SKOR2: variants seen among roughly 807,000 people sequenced by gnomAD.
The protein encoded by SKOR2 is SKI family transcriptional corepressor 2.
SKOR2 carries 47 observed loss-of-function variants against 69.1 expected under a neutral mutation model. The observed-to-expected ratio is 0.68, with a 90% confidence interval of 0.54 to 0.87. The LOEUF (loss-of-function observed/expected upper bound fraction) is 0.87, where lower values mean the gene tolerates loss of function less well. SKOR2 is among the 40% of genes least tolerant of loss of function. SKOR2 has a pLI of 0.00. For missense variants in SKOR2, 1,404 were observed against 1,472.2 expected (o/e 0.95, Z 0.76); for synonymous variants, 717 against 672.6 (o/e 1.07, Z -1.02).
At chr18:47,230,274 G>A (rs2064192717) in intron 6 of SKOR2, among the ~76,000 whole-genome samples, 185 bp downstream of exon 6, 1 of 151,998 alleles carries the variant, frequency 6.6e-6, no homozygotes, top group Non-Finnish European at 1.5e-5. Flanking sequence ...GTTCTTGGAA[G>A]AAATTTTATC....
Position 47,214,994 on chromosome 18 carries a change from TAA to T in SKOR2, c.2986-2845_2986-2844del, listed in dbSNP as rs5824652. ...ATAGTAGATCAAAAGTACTGGAGTT[TAA>T]AAAAAAAAAGTGACTTCCTAGTTTG... is the stretch of plus-strand genomic sequence containing the variant. On this transcript the variant is annotated intron_variant, in intron 7 of 8. Coordinates refer to ENST00000425639, the MANE Select transcript of SKOR2 (RefSeq NM_001278063.4). 2.7e-3 allele frequency among the ~76,000 whole-genome samples: 398 copies of T among 149,182 alleles called. 3 individuals carry two copies. The highest frequency in any genetic ancestry group is 8.0e-3 in the African/African-American group (327 of 40,704).
Position 47,247,744 on chromosome 18 carries a change from C to T in SKOR2, c.1440G>A (p.Pro480=). The part of the protein sequence containing the change: ...FWPPRTPGGL[P]VPTYLQPPPQ... ...GCGGGGGCTGCAGGTAGGTGGGCAC[C>T]GGGAGCCCGCCAGGGGTCCGCGGCG... The change falls in exon 2 of 9, where the codon CCG becomes CCA. Residue 480 remains proline, a synonymous_variant. Coordinates refer to ENST00000425639, the MANE Select transcript of SKOR2 (RefSeq NM_001278063.4). This position sits in a 1 kb window ranked among gnomAD's most constrained non-coding sequence, Gnocchi z 6.6. The T allele has an allele frequency of 8.0e-6, 11 of 1,369,192 alleles. No homozygotes were observed. The highest frequency in any genetic ancestry group is 1.0e-5 in the Non-Finnish European group (11 of 1,072,342). 84.8% of individuals were successfully genotyped at this position (1,369,192 alleles called of 1,614,324 possible).
chr18:47,242,718 T>C (rs533546707), intron 4 of SKOR2, among the ~76,000 whole-genome samples: 32 of 152,280 alleles, frequency 2.1e-4, no homozygotes, highest in African/African-American at 6.5e-4. Context: ...AATGTGTTAT[T>C]TTGTATTAAA....
At chr18:47,230,636 A>G in intron 5 of SKOR2, 79 bp from the exon 6 acceptor site, 16 of 914,230 alleles carry the variant, frequency 1.8e-5, no homozygotes, top group Non-Finnish European at 2.4e-5. Context: ...GCAATTTATT[A>G]TTATAAGACA....
At chr18:47,224,995 G>T (rs955596991) in intron 6 of SKOR2, among the ~76,000 whole-genome samples, 1 of 151,982 alleles carries the variant, frequency 6.6e-6, no homozygotes, top group African/African-American at 2.4e-5. Flanking sequence ...TTTGGAATCT[G>T]CCCTGCCACC....
At chr18:47,227,672 A>G (rs2064183513) in intron 6 of SKOR2, among the ~76,000 whole-genome samples, 1 of 152,238 alleles carries the variant, frequency 6.6e-6, no homozygotes, top group South Asian at 2.1e-4. Flanking sequence ...ATGCTTTTCT[A>G]GAGCTCAGTG....
chr18:47,223,081 T>G (rs984105056), intron 6 of SKOR2, among the ~76,000 whole-genome samples: 5 of 151,928 alleles, frequency 3.3e-5, no homozygotes, highest in Admixed American at 6.6e-5. Flanking sequence ...CAGATTAAAC[T>G]CCCCAAACAT....
intron 6 of SKOR2, among the ~76,000 whole-genome samples, chr18:47,224,983 A>G (rs2064173889): frequency 6.6e-6 from 1 of 152,084 alleles, no homozygotes; most frequent in African/African-American, 2.4e-5. Context: ...TCTGTACAGT[A>G]TTTTGGAATC....
At position 47,206,827 on chromosome 18, in the gene SKOR2, C is replaced by T. The variant is rs189768425; in HGVS notation, c.*69G>A. ...CCCTTTCGATCTGCAGTCTTTAACA[C>T]GGGTCAGAAGTGCTCCATGGCAGGC... On this transcript the variant is annotated 3_prime_UTR_variant, in exon 9 of 9. Transcript: ENST00000425639. The T allele has an allele frequency of 5.3e-5, 8 of 152,220 alleles. No homozygotes were observed. The highest frequency in any genetic ancestry group is 1.7e-4 in the African/African-American group (7 of 41,526). The allele number at this position is 152,220 out of a possible 1,614,324, so 9.4% of individuals were successfully genotyped here. A position where few individuals can be genotyped will look rare whatever the true frequency, so the allele number is the denominator to read the frequency against.
At chr18:47,224,613 C>T (rs968414259) in intron 6 of SKOR2, among the ~76,000 whole-genome samples, 29 of 121,360 alleles carry the variant, frequency 2.4e-4, no homozygotes, top group Non-Finnish European at 4.4e-4. Flanking sequence ...TTTAAAGAAC[C>T]ATTGAACTTT....
At chr18:47,217,984 G>A (rs2064149424) in intron 7 of SKOR2, among the ~76,000 whole-genome samples, 1 of 152,114 alleles carries the variant, frequency 6.6e-6, no homozygotes, top group Non-Finnish European at 1.5e-5. Flanking sequence ...TTATAAGACA[G>A]CATAATAAAA....
chr18:47,227,244 T>C (rs2064181630), intron 6 of SKOR2, among the ~76,000 whole-genome samples: 1 of 151,710 alleles, frequency 6.6e-6, no homozygotes, highest in Non-Finnish European at 1.5e-5. Flanking sequence ...CCCTCCTCTC[T>C]GTTATCTTTA....
intron 8 of SKOR2, among the ~76,000 whole-genome samples, chr18:47,211,130 G>A (rs1450624477): frequency 6.6e-6 from 1 of 152,140 alleles, no homozygotes. Context: ...GAGAGGTGAA[G>A]GAACAAAAGG....
At chr18:47,240,097 T>C (rs1309601836) in intron 4 of SKOR2, among the ~76,000 whole-genome samples, 8 of 152,170 alleles carry the variant, frequency 5.3e-5, no homozygotes, top group South Asian at 2.1e-4. Flanking sequence ...AATCTGTCCA[T>C]AGCATATTAA....
chr18:47,236,691 G>A (rs1198356014), intron 4 of SKOR2, among the ~76,000 whole-genome samples: 1 of 152,128 alleles, frequency 6.6e-6, no homozygotes, highest in Non-Finnish European at 1.5e-5. Context: ...ACCAATCACT[G>A]AATCTGCCAG....
intron 6 of SKOR2, among the ~76,000 whole-genome samples, chr18:47,228,623 G>A (rs1249811211): frequency 6.6e-6 from 1 of 152,166 alleles, no homozygotes; most frequent in Non-Finnish European, 1.5e-5. Context: ...TCTAAAAGCA[G>A]GGACTTGCAA....
rs967477100 is a variant in SKOR2 at position 47,247,988 on chromosome 18, G to A, written c.1196C>T (p.Pro399Leu). The A allele has an allele frequency of 1.4e-6, 2 of 1,403,240 alleles. No individual in the cohort carries two copies. Among genetic ancestry groups the A allele is most frequent in the African/African-American group, 1.5e-5 (1 of 66,452 alleles). 86.9% of individuals were successfully genotyped at this position (1,403,240 alleles called of 1,614,324 possible). Residue 399 changes from proline (P) to leucine (L), a missense_variant, in exon 2 of 9, where the codon CCG becomes CTG. Physicochemically the swap from Pro to Leu is moderately conservative, Grantham distance 98. Transcript: ENST00000425639. This position sits in a 1 kb window ranked among gnomAD's most constrained non-coding sequence, Gnocchi z 6.6. ...GTGCGGGAAGAGCCCGCCGCAGCCCGGGAACTTCTGCAGGACGCCCCCGAA... is the reference window on the plus strand; with the variant it reads ...GTGCGGGAAGAGCCCGCCGCAGCCCAGGAACTTCTGCAGGACGCCCCCGAA... Reference protein sequence around the residue: ...GSFGGVLQKFPGCGGLFPHPY... With the variant: ...GSFGGVLQKFLGCGGLFPHPY...
chr18:47,249,297 C>T (rs1270467688), intron 1 of SKOR2, 67 bp from the exon 2 acceptor site: 7 of 1,305,134 alleles, frequency 5.4e-6, no homozygotes, highest in African/African-American at 1.5e-5. Flanking sequence ...TGGGATGAAT[C>T]GCTAACCAAA....
intron 4 of SKOR2, among the ~76,000 whole-genome samples, chr18:47,235,573 C>A (rs984866024): frequency 6.6e-6 from 1 of 152,068 alleles, no homozygotes; most frequent in African/African-American, 2.4e-5. Context: ...TGTCAGGAGT[C>A]GGCTTTCCTG....
Sources: allele counts gnomAD v4.1 joint callset (sites outside exome capture counted in the v4.1 genomes callset), GRCh38; gene constraint gnomAD v4.1.1; non-coding constraint Gnocchi (gnomAD v3.1); transcripts MANE v1.5; gene names NCBI Gene and HGNC (gene_info 2026-07-23, HGNC 2026-07-21).